CACFD1: variants seen among roughly 807,000 people sequenced by gnomAD.
CACFD1 encodes calcium channel flower domain containing 1.
In CACFD1, 26 loss-of-function variants were observed where a neutral mutation model predicts 21.3. That is an observed-to-expected ratio of 1.22 (90% confidence interval 0.89 to 1.69). The LOEUF is 1.69. Among genes scored for constraint, CACFD1 ranks in the 40% most tolerant of loss-of-function variants. The pLI is 0.00. For missense variants in CACFD1, 265 were observed against 236.2 expected (o/e 1.12, Z -0.80); for synonymous variants, 121 against 106.6 (o/e 1.13, Z -0.83).
rs1383549848 is a variant in CACFD1 at position 133,460,179 on chromosome 9, G to A, written c.113G>A (p.Gly38Glu). 4.5e-6 allele frequency: 7 copies of A among 1,553,004 alleles called. No individual in the cohort carries two copies. The highest frequency in any genetic ancestry group is 6.1e-6 in the Non-Finnish European group (7 of 1,149,212). ...RWLCRLSGVL[G>E]AVSCAISGLF... ...CTGTGTCGCCTGTCTGGGGTGCTGG[G>A]GGCAGTCTGTGAGTATCCAGTCGGG... The change falls in exon 1 of 5, where the codon GGG (glycine) becomes GAG (glutamate). Residue 38 changes from glycine to glutamate, a missense_variant. Physicochemically the swap from Gly to Glu is moderately conservative, Grantham distance 98. Transcript: ENST00000316948.
intron 4 of CACFD1, chr9:133,468,308 A>C: frequency 6.5e-7 from 1 of 1,529,000 alleles, no homozygotes; most frequent in Non-Finnish European, 8.7e-7. Flanking sequence ...TGCACCGGGC[A>C]TTGTACTCAG....
chr9:133,465,247 G>C lies in CACFD1; in HGVS notation c.195-75G>C. On this transcript the variant is annotated intron_variant, in intron 2 of 4. Coordinates refer to ENST00000316948, the MANE Select transcript of CACFD1 (RefSeq NM_017586.5). The surrounding 1 kb of genome is among the most constrained non-coding windows in gnomAD (Gnocchi z 5.0). Reference sequence around the variant, plus strand: ...GGTGAGGGAGGTGGCATTCCTTATGGCACTGGCACTGGGGGCCGCCCTCAT... The same window carrying C: ...GGTGAGGGAGGTGGCATTCCTTATGCCACTGGCACTGGGGGCCGCCCTCAT... 1 of 1,549,920 alleles carries C rather than the reference G, an allele frequency of 6.5e-7. No homozygotes were observed. The highest frequency in any genetic ancestry group is 8.9e-7 in the Non-Finnish European group (1 of 1,127,492).
rs1176404730 is a variant in CACFD1 at position 133,460,199 on chromosome 9, G to C, written c.121+12G>C. The C allele has an allele frequency of 3.3e-6, 5 of 1,525,674 alleles. No homozygotes were observed. Among genetic ancestry groups the C allele is most frequent in the African/African-American group, 2.9e-5 (2 of 70,026 alleles). The allele number at this position is 1,525,674 out of a possible 1,614,324, so 94.5% of individuals were successfully genotyped here. On this transcript the variant is annotated intron_variant, in intron 1 of 4. Coordinates refer to ENST00000316948, the MANE Select transcript of CACFD1 (RefSeq NM_017586.5). ...GCTGGGGGCAGTCTGTGAGTATCCA[G>C]TCGGGGAGAGGGGCCGGCCCCGCCG...
chr9:133,463,689 C>A, intron 2 of CACFD1, 134 bp downstream of exon 2: 1 of 863,008 alleles, frequency 1.2e-6, no homozygotes, highest in Non-Finnish European at 1.9e-6. Flanking sequence ...TGGCTCCAGC[C>A]TGGGTGCCTC....
chr9:133,460,177 G>C lies in CACFD1; in HGVS notation c.111G>C (p.Leu37=), dbSNP rs144774636. ...YRWLCRLSGV[L]GAVSCAISGL... is the part of the protein sequence containing the mutation. Reference sequence around the variant, plus strand: ...GGCTGTGTCGCCTGTCTGGGGTGCTGGGGGCAGTCTGTGAGTATCCAGTCG... The same window carrying C: ...GGCTGTGTCGCCTGTCTGGGGTGCTCGGGGCAGTCTGTGAGTATCCAGTCG... Residue 37 remains leucine (L), a synonymous_variant, in exon 1 of 5, where the codon CTG becomes CTC. Transcript: ENST00000316948. 2.1e-5 allele frequency: 33 copies of C among 1,553,396 alleles called. No individual in the cohort carries two copies. In the Middle Eastern group the frequency reaches 5.3e-4, roughly 25 times the overall value.
intron 3 of CACFD1, among the ~76,000 whole-genome samples, chr9:133,466,578 CAT>C (rs3837294): frequency 0.27 from 40,106 of 148,682 alleles, 6,198 homozygotes; most frequent in South Asian, 0.37. Flanking sequence ...GTGTGATAAA[CAT>C]GTGTCTGCTA....
At chr9:133,463,346 G>A in intron 1 of CACFD1, 137 bp from the exon 2 acceptor site, 1 of 1,519,994 alleles carries the variant, frequency 6.6e-7, no homozygotes. Flanking sequence ...ATAGAGGGCA[G>A]GCTTCTGGGT....
intron 3 of CACFD1, among the ~76,000 whole-genome samples, chr9:133,466,733 G>T (rs1255403673): frequency 2.2e-5 from 3 of 138,980 alleles, no homozygotes; most frequent in Non-Finnish European, 4.7e-5. Flanking sequence ...TCTCTCCCCC[G>T]CCCCCACCCC....
Position 133,465,353 on chromosome 9 carries a change from G to T in CACFD1, c.226G>T (p.Ala76Ser), listed in dbSNP as rs782650667. 6.2e-7 allele frequency: 1 copy of T among 1,614,034 alleles called. No individual in the cohort carries two copies. Among genetic ancestry groups the T allele is most frequent in the East Asian group, 2.2e-5 (1 of 44,878 alleles). Residue 76 changes from alanine (A) to serine (S), a missense_variant, in exon 3 of 5, where the codon GCG (alanine) becomes TCG (serine). By Grantham distance (99) the Ala-to-Ser change is moderately conservative. Coordinates refer to ENST00000316948, the MANE Select transcript of CACFD1 (RefSeq NM_017586.5). This position sits in a 1 kb window ranked among gnomAD's most constrained non-coding sequence, Gnocchi z 5.0. ...MNAFILLLCEAPFCCQFIEFA... is the reference protein window; with the variant it reads ...MNAFILLLCESPFCCQFIEFA... Reference sequence around the variant, plus strand: ...TGCCTTCATCTTGTTGCTGTGTGAGGCGCCCTTCTGCTGCCAGTTCATCGA... The same window carrying T: ...TGCCTTCATCTTGTTGCTGTGTGAGTCGCCCTTCTGCTGCCAGTTCATCGA...
Position 133,465,915 on chromosome 9 carries a change from C to T in CACFD1, c.320+468C>T, listed in dbSNP as rs1014732400. ...TAAATACACTTGTTAAAAATTTTCC[C>T]ATTTCTAACAATGAAATCAATATGT... On this transcript the variant is annotated intron_variant, in intron 3 of 4. Transcript: ENST00000316948. This position sits in a 1 kb window ranked among gnomAD's most constrained non-coding sequence, Gnocchi z 5.0. 1 of 157,298 alleles carries T rather than the reference C, an allele frequency of 6.4e-6. No individual in the cohort carries two copies. The highest frequency in any genetic ancestry group is 2.4e-5 in the African/African-American group (1 of 41,486). The allele number at this position is 157,298 out of a possible 1,614,324, so 9.7% of individuals were successfully genotyped here. A position where few individuals can be genotyped will look rare whatever the true frequency, so the allele number is the denominator to read the frequency against.
At chr9:133,462,070 T>C in intron 1 of CACFD1, 1 of 1,299,998 alleles carries the variant, frequency 7.7e-7, no homozygotes, top group Non-Finnish European at 1.0e-6. Flanking sequence ...CCTCCAGCCC[T>C]TTATTGCTAA....
In CACFD1 at chr9:133,460,110, C is replaced by A. The variant is rs866256519; in HGVS notation, c.44C>A (p.Ala15Glu). The A allele has an allele frequency of 8.2e-5, 128 of 1,562,778 alleles. No individual in the cohort carries two copies. Among genetic ancestry groups the A allele is most frequent in the Non-Finnish European group, 1.0e-4 (117 of 1,153,226 alleles). ...GCGCCCGGGGCGTCCGCCAGCTCTG[C>A]GCCGCCCGCGCAGGAAGAGGGCATG... is the stretch of plus-strand genomic sequence containing the variant. Reference protein sequence around the residue: ...GGAPGASASSAPPAQEEGMTW... With the variant: ...GGAPGASASSEPPAQEEGMTW... Residue 15 changes from alanine to glutamate, a missense_variant, in exon 1 of 5, where the codon GCG becomes GAG. Coordinates refer to ENST00000316948, the MANE Select transcript of CACFD1 (RefSeq NM_017586.5).
intron 1 of CACFD1, 56 bp downstream of exon 1, chr9:133,460,243 T>TGCCCC (rs1843087463): frequency 7.1e-7 from 1 of 1,409,578 alleles, no homozygotes; most frequent in South Asian, 1.4e-5. Context: ...CTCCTCGCCC[T>TGCCCC]GCCCTGCCCC....
rs190075008 is a variant in CACFD1, at chr9:133,465,013, C to T, written c.195-309C>T. 9.5e-6 allele frequency: 3 copies of T among 316,104 alleles called. No homozygotes were observed. The East Asian group carries it at 2.2e-4, about 23-fold the overall frequency. The allele number at this position is 316,104 out of a possible 1,614,324, so 19.6% of individuals were successfully genotyped here. A position where few individuals can be genotyped will look rare whatever the true frequency, so the allele number is the denominator to read the frequency against. On this transcript the variant is annotated intron_variant, in intron 2 of 4. Transcript: ENST00000316948. This position sits in a 1 kb window ranked among gnomAD's most constrained non-coding sequence, Gnocchi z 5.0. ...TGTAGCAGTGCCATGATGTGGGGTC[C>T]CCTTTCCTCCATGTCACACAGGAGG... is the stretch of plus-strand genomic sequence containing the variant.
chr9:133,460,317 C>G (rs1843100216), intron 1 of CACFD1, 130 bp downstream of exon 1: 1 of 875,608 alleles, frequency 1.1e-6, no homozygotes, highest in Middle Eastern at 3.8e-4. Context: ...CGGGCGCCTC[C>G]CGGGGCGGAG....
chr9:133,460,436 T>C (rs955109857), intron 1 of CACFD1, among the ~76,000 whole-genome samples: 3 of 69,062 alleles, frequency 4.3e-5, no homozygotes, highest in Middle Eastern at 5.9e-3. Flanking sequence ...TCTGGGAACA[T>C]TCCCGGAGGG....
At chr9:133,462,975 C>T (rs1044623409) in intron 1 of CACFD1, among the ~76,000 whole-genome samples, 1 of 152,212 alleles carries the variant, frequency 6.6e-6, no homozygotes, top group Non-Finnish European at 1.5e-5. Flanking sequence ...TGGTTCCCAT[C>T]TCTGTTCTGA....
At chr9:133,464,833 G>A (rs368084531) in intron 2 of CACFD1, among the ~76,000 whole-genome samples, 1 of 152,168 alleles carries the variant, frequency 6.6e-6, no homozygotes, top group South Asian at 2.1e-4. Context: ...TGACTGTTTT[G>A]GGACTGCGTG....
rs1263272827 is a variant in CACFD1 at position 133,465,667 on chromosome 9, TG to T, written c.320+222del. 2 of 566,464 alleles carry T rather than the reference TG, an allele frequency of 3.5e-6. No individual in the cohort carries two copies. The highest frequency in any genetic ancestry group is 6.3e-6 in the Non-Finnish European group (2 of 318,316). 35.1% of individuals were successfully genotyped at this position (566,464 alleles called of 1,614,324 possible). A position where few individuals can be genotyped will look rare whatever the true frequency, so the allele number is the denominator to read the frequency against. On this transcript the variant is annotated intron_variant, in intron 3 of 4. Transcript: ENST00000316948. This position sits in a 1 kb window ranked among gnomAD's most constrained non-coding sequence, Gnocchi z 5.0. ...TCAGCTGTCGCTGTGCCGTAGTCAC[TG>T]GAAGGTTCAGAGGTATATGAGCATG...
Sources: gnomAD v4.1 joint callset for allele counts (sites outside exome capture counted in the v4.1 genomes callset) on GRCh38, gnomAD v4.1.1 for gene constraint, Gnocchi (gnomAD v3.1) non-coding constraint, MANE v1.5 for transcripts, NCBI Gene and HGNC (gene_info 2026-07-23, HGNC 2026-07-21) for gene names.